Variants in NCKAP5L observed in about 807,000 individuals in gnomAD.
NCKAP5L encodes NCK associated protein 5 like.
Under a neutral mutation model 103.2 loss-of-function variants are expected in NCKAP5L, and 54 were observed. The ratio of observed to expected loss-of-function variants is 0.52; its 90% CI spans 0.42 to 0.66. The LOEUF is 0.66. Among genes scored for constraint, NCKAP5L ranks in the 30% least tolerant of loss-of-function variants. NCKAP5L has a pLI of 0.00. For missense variants in NCKAP5L, 1,733 were observed against 1,750.6 expected, an observed-to-expected ratio of 0.99 and a Z score of 0.18; for synonymous variants, 762 against 748.6, an observed-to-expected ratio of 1.02 and a Z score of -0.29.
At chr12:49,823,007 G>A (rs112466442) in intron 1 of NCKAP5L, among the ~76,000 whole-genome samples, 12 of 151,522 alleles carry the variant, frequency 7.9e-5, no homozygotes, top group African/African-American at 2.2e-4. Flanking sequence ...TGAGGTGGCC[G>A]GTCAGATGAA....
intron 1 of NCKAP5L, among the ~76,000 whole-genome samples, chr12:49,819,181 G>A (rs911109258): frequency 1.3e-4 from 20 of 151,972 alleles, no homozygotes; most frequent in African/African-American, 4.8e-4. Context: ...GCGTGGTCGT[G>A]GGCACCTGTA....
intron 1 of NCKAP5L, among the ~76,000 whole-genome samples, chr12:49,818,515 G>A (rs1019765846): frequency 6.6e-6 from 1 of 151,974 alleles, no homozygotes; most frequent in African/African-American, 2.4e-5. Context: ...GCATCACCAC[G>A]CCCAACTAAT....
Position 49,793,807 on chromosome 12 carries a change from C to T in NCKAP5L, c.3185G>A (p.Ser1062Asn). 1 of 1,602,186 alleles carries T rather than the reference C, an allele frequency of 6.2e-7. No individual in the cohort carries two copies. The highest frequency in any genetic ancestry group is 8.5e-7 in the Non-Finnish European group (1 of 1,174,498). Residue 1062 changes from serine to asparagine, a missense_variant, in exon 9 of 13, where the codon AGC becomes AAC. Physicochemically the swap from Ser to Asn is conservative, Grantham distance 46 (BLOSUM62 1). Coordinates refer to ENST00000335999, the MANE Select transcript of NCKAP5L (RefSeq NM_001037806.4). ...DFQPVSSDPK[S>N]PWPACGPRNG... ...CCGGGGCCCACAGGCTGGCCAGGGG[C>T]TCTTGGGGTCAGAAGACACCGGCTG...
In NCKAP5L at chr12:49,810,288, A is replaced by T. The variant is rs1055654660; in HGVS notation, c.-98-4247T>A. 8.5e-5 allele frequency among the ~76,000 whole-genome samples: 13 copies of T among 152,276 alleles called. No homozygotes were observed. The East Asian group carries it at 2.5e-3, about 29-fold the overall frequency. ...GCCAAGTGGCCCAGGCCCCACTCCC[A>T]AAAGTCCAGCCCAGGCCGTCCTAGC... On this transcript the variant is annotated intron_variant, in intron 1 of 12. Coordinates refer to ENST00000335999, the MANE Select transcript of NCKAP5L (RefSeq NM_001037806.4).
chr12:49,828,089 AG>A (rs1309744994), intron 1 of NCKAP5L, among the ~76,000 whole-genome samples: 4 of 8,200 alleles, frequency 4.9e-4, no homozygotes, highest in African/African-American at 2.1e-3. Context: ...GGGGGGCGGG[AG>A]GGGGTGGGGT....
intron 1 of NCKAP5L, among the ~76,000 whole-genome samples, chr12:49,814,280 C>T (rs895194409): frequency 2.7e-5 from 4 of 150,284 alleles, no homozygotes; most frequent in African/African-American, 9.7e-5. Flanking sequence ...GTCAGAAGTT[C>T]GAGACCAGCC....
chr12:49,825,805 C>A (rs918208400), intron 1 of NCKAP5L, among the ~76,000 whole-genome samples: 5 of 152,192 alleles, frequency 3.3e-5, no homozygotes, highest in African/African-American at 1.2e-4. Context: ...GAGAATGTGC[C>A]CCTACATGAG....
chr12:49,799,261 C>A (rs1483835753), intron 6 of NCKAP5L, among the ~76,000 whole-genome samples: 2 of 152,070 alleles, frequency 1.3e-5, no homozygotes, highest in Non-Finnish European at 2.9e-5. Flanking sequence ...ACAAGAGAAC[C>A]TCAAGCATCT....
Position 49,796,777 on chromosome 12 carries a change from G to A in NCKAP5L, c.1083C>T (p.Ser361=), listed in dbSNP as rs777433107. The change falls in exon 8 of 13, where the codon TCC becomes TCT. Residue 361 remains serine, a synonymous_variant. Transcript: ENST00000335999. ...NGDHPGPGQS[S]SPDQAPPQLS... ...GCTGTGGGGGCGCCTGGTCTGGGGA[G>A]GATGACTGCCCAGGACCTGGGTGGT... 15 of 1,613,652 alleles carry A rather than the reference G, an allele frequency of 9.3e-6. No homozygotes were observed. The African/African-American group carries it at 1.5e-4, about 16-fold the overall frequency.
intron 1 of NCKAP5L, among the ~76,000 whole-genome samples, chr12:49,824,017 AGT>A (rs1315602602): frequency 2.6e-5 from 4 of 152,152 alleles, no homozygotes; most frequent in Admixed American, 2.6e-4. Context: ...CCATATCTGC[AGT>A]GTTTTGGGAA....
intron 3 of NCKAP5L, 68 bp from the exon 4 acceptor site, chr12:49,803,233 T>G: frequency 1.3e-6 from 2 of 1,539,518 alleles, no homozygotes; most frequent in Non-Finnish European, 1.8e-6. Flanking sequence ...CAGGGCACAT[T>G]CCTTTTGGGA....
At chr12:49,827,957 T>A (rs938334360) in intron 1 of NCKAP5L, among the ~76,000 whole-genome samples, 1 of 151,480 alleles carries the variant, frequency 6.6e-6, no homozygotes, top group Non-Finnish European at 1.5e-5. Context: ...GCGGGTTGGG[T>A]GGGGTGAGCA....
At chr12:49,811,166 G>T (rs1946235670) in intron 1 of NCKAP5L, among the ~76,000 whole-genome samples, 1 of 152,206 alleles carries the variant, frequency 6.6e-6, no homozygotes, top group South Asian at 2.1e-4. Flanking sequence ...TCCACAAGGA[G>T]TGGGTGTTGC....
intron 1 of NCKAP5L, among the ~76,000 whole-genome samples, chr12:49,823,571 A>G (rs1194981296): frequency 6.6e-6 from 1 of 151,964 alleles, no homozygotes; most frequent in African/African-American, 2.4e-5. Flanking sequence ...CCTAAGCAGC[A>G]CCTGTCACTC....
At chr12:49,801,183 GA>G (rs1347928276) in intron 6 of NCKAP5L, among the ~76,000 whole-genome samples, 1 of 152,164 alleles carries the variant, frequency 6.6e-6, no homozygotes, top group Admixed American at 6.5e-5. Context: ...CACACACACA[GA>G]AAAGTGCTTC....
intron 1 of NCKAP5L, among the ~76,000 whole-genome samples, chr12:49,812,387 C>CT (rs542046179): frequency 0.061 from 8,684 of 142,838 alleles, 451 homozygotes; most frequent in African/African-American, 0.15. Context: ...TGGTTTTCAT[C>CT]TTTTTTTTTT....
At chr12:49,812,299 C>T (rs1462706432) in intron 1 of NCKAP5L, among the ~76,000 whole-genome samples, 1 of 152,128 alleles carries the variant, frequency 6.6e-6, no homozygotes, top group Admixed American at 6.5e-5. Flanking sequence ...CCTTTTACGA[C>T]TGGCTTCTTT....
intron 1 of NCKAP5L, among the ~76,000 whole-genome samples, chr12:49,816,249 C>T (rs1946294370): frequency 6.6e-6 from 1 of 152,098 alleles, no homozygotes; most frequent in Non-Finnish European, 1.5e-5. Flanking sequence ...ACCACTCCTA[C>T]CAACCAGACC....
At position 49,797,309 on chromosome 12, in the gene NCKAP5L, AG is replaced by A. The variant is rs34294237; in HGVS notation, c.550del (p.Leu184PhefsTer11). Reference sequence around the variant, plus strand: ...CTCCAGAATCTGGGCCTTCTTCCGAAGGAACGGGGATAGGGCATCCAGCGCT... The same window carrying A: ...CTCCAGAATCTGGGCCTTCTTCCGAAGAACGGGGATAGGGCATCCAGCGCT... ...PPALDALSPF[L>X]RKKAQILEVL... On this transcript the variant is annotated frameshift_variant, in exon 8 of 13. Coordinates refer to ENST00000335999, the MANE Select transcript of NCKAP5L (RefSeq NM_001037806.4). LOFTEE classifies it high-confidence loss of function. This position sits in a 1 kb window ranked among gnomAD's most constrained non-coding sequence, Gnocchi z 4.5. 1 of 1,613,188 alleles carries A rather than the reference AG, an allele frequency of 6.2e-7. No homozygotes were observed. The highest frequency in any genetic ancestry group is 8.5e-7 in the Non-Finnish European group (1 of 1,179,752).
Sources: gnomAD v4.1 joint callset for allele counts (sites outside exome capture counted in the v4.1 genomes callset) on GRCh38, gnomAD v4.1.1 for gene constraint, Gnocchi (gnomAD v3.1) non-coding constraint, MANE v1.5 for transcripts, NCBI Gene and HGNC (gene_info 2026-07-23, HGNC 2026-07-21) for gene names.